SPTBN5: variants seen among roughly 807,000 people sequenced by gnomAD.
SPTBN5 encodes spectrin beta chain, non-erythrocytic 5.
SPTBN5 carries 513 observed loss-of-function variants against 477.6 expected under a neutral mutation model. That is an observed-to-expected ratio of 1.07 (90% CI 1.00 to 1.16). The LOEUF is 1.16. Ranked by LOEUF, SPTBN5 falls within the 50% of genes most tolerant of loss-of-function variation. The pLI is 0.00. For synonymous variants in SPTBN5, 2,169 were observed against 2,011.7 expected (o/e 1.08, Z -2.09); for missense variants, 5,062 against 4,731.8 (o/e 1.07, Z -2.05).
At chr15:41,871,594 C>T in intron 28 of SPTBN5, 74 bp from the exon 29 acceptor site, 2 of 1,414,464 alleles carry the variant, frequency 1.4e-6, no homozygotes, top group Admixed American at 3.0e-5. Flanking sequence ...ATCGAGGCAC[C>T]TCAGTGCCCA....
rs757000954 is a variant in SPTBN5, at chr15:41,858,630, C to G, written c.8198G>C (p.Ser2733Thr). The change falls in exon 49 of 68, where the codon AGC becomes ACC. Residue 2733 changes from serine to threonine, a missense_variant. Physicochemically the swap from Ser to Thr is moderately conservative, Grantham distance 58 (BLOSUM62 1). Transcript: ENST00000320955. ...CTGCAGCTCCTGCTGTTGGTGCATG[C>G]TCGCGTCCAGCTCCGCCTGGAAATT... ...QQNFQAELDASMHQQQELQRE... is the reference protein window; with the variant it reads ...QQNFQAELDATMHQQQELQRE... The G allele has an allele frequency of 9.9e-6, 16 of 1,611,392 alleles. No individual in the cohort carries two copies. In the South Asian group the frequency reaches 1.7e-4, roughly 17 times the overall value.
chr15:41,857,280 A>AG lies in SPTBN5; in HGVS notation c.8578dup (p.Leu2860ProfsTer82), dbSNP rs2065952828. Reference sequence around the variant, plus strand: ...GGCCTGCTCTTCCACATCTTGGGCAAGGCAGTGGCCTTCCCTCACAAAGGC... The same window carrying AG: ...GGCCTGCTCTTCCACATCTTGGGCAAGGGCAGTGGCCTTCCCTCACAAAGGC... On this transcript the variant is annotated frameshift_variant, in exon 51 of 68. Transcript: ENST00000320955. LOFTEE classifies it high-confidence loss of function. The AG allele has an allele frequency of 1.9e-6, 3 of 1,574,778 alleles. No homozygotes were observed. Among genetic ancestry groups the AG allele is most frequent in the African/African-American group, 2.7e-5 (2 of 74,312 alleles).
Position 41,853,361 on chromosome 15 carries a change from T to C in SPTBN5, c.10067A>G (p.His3356Arg). 1 of 1,612,612 alleles carries C rather than the reference T, an allele frequency of 6.2e-7. No individual in the cohort carries two copies. Among genetic ancestry groups the C allele is most frequent in the East Asian group, 2.2e-5 (1 of 44,860 alleles). The change falls in exon 59 of 68, where the codon CAT (histidine) becomes CGT (arginine). Residue 3356 changes from histidine to arginine, a missense_variant. His to Arg is a conservative substitution (Grantham distance 29). Coordinates refer to ENST00000320955, the MANE Select transcript of SPTBN5 (RefSeq NM_016642.4). ...VAGAEQLLGQ[H>R]EELGQEIREC... The stretch of plus-strand genomic sequence containing the variant: ...CCTGATTTCTTGCCCCAGCTCTTCA[T>C]GCTGCCCAAGGAGCTGCTCAGCCCC...
rs2067262752 is a variant in SPTBN5 at position 41,890,082 on chromosome 15, G to A, written c.501+7C>T. Reference sequence around the variant, plus strand: ...CCAGGTGCTGGGTACTGGGGACTGAGCCATACCTTGTCCAAGGAGATGTGG... The same window carrying A: ...CCAGGTGCTGGGTACTGGGGACTGAACCATACCTTGTCCAAGGAGATGTGG... On this transcript the variant is annotated splice_region_variant and intron_variant, in intron 4 of 67. Transcript: ENST00000320955. The A allele has an allele frequency of 2.5e-6, 4 of 1,595,092 alleles. No individual in the cohort carries two copies. The highest frequency in any genetic ancestry group is 3.4e-6 in the Non-Finnish European group (4 of 1,166,250).
Position 41,856,415 on chromosome 15 carries a change from C to A in SPTBN5, c.8992G>T (p.Ala2998Ser). The A allele has an allele frequency of 6.3e-7, 1 of 1,587,778 alleles. No homozygotes were observed. The highest frequency in any genetic ancestry group is 8.6e-7 in the Non-Finnish European group (1 of 1,165,344). The change falls in exon 53 of 68, where the codon GCT (alanine) becomes TCT (serine). Residue 2998 changes from alanine to serine, a missense_variant. Ala to Ser is a moderately conservative substitution (Grantham distance 99). Transcript: ENST00000320955. ...GTCAGAAACTGCTGGGCCTCCTGAGCCTGCTGCAGCAGAAGCCGCCTCCGC... is the reference window on the plus strand; with the variant it reads ...GTCAGAAACTGCTGGGCCTCCTGAGACTGCTGCAGCAGAAGCCGCCTCCGC... Reference protein sequence around the residue: ...AARRRLLLQQAQEAQQFLTEL... With the variant: ...AARRRLLLQQSQEAQQFLTEL...
chr15:41,858,653 A>G lies in SPTBN5; in HGVS notation c.8175T>C (p.Asn2725=), dbSNP rs1403379719. Reference sequence around the variant, plus strand: ...TGCTCGCGTCCAGCTCCGCCTGGAAATTCTGCTGCTTCTGTAACTGTGCTG... The same window carrying G: ...TGCTCGCGTCCAGCTCCGCCTGGAAGTTCTGCTGCTTCTGTAACTGTGCTG... The part of the protein sequence containing the change: ...MLPAQLQKQQ[N]FQAELDASMH... The change falls in exon 49 of 68, where the codon AAT becomes AAC. Residue 2725 remains asparagine, a synonymous_variant. Coordinates refer to ENST00000320955, the MANE Select transcript of SPTBN5 (RefSeq NM_016642.4). The G allele has an allele frequency of 6.2e-7, 1 of 1,611,570 alleles. No individual in the cohort carries two copies. Among genetic ancestry groups the G allele is most frequent in the Admixed American group, 1.7e-5 (1 of 59,800 alleles).
intron 47 of SPTBN5, among the ~76,000 whole-genome samples, chr15:41,859,497 A>G (rs977395146): frequency 1.3e-5 from 2 of 152,160 alleles, no homozygotes; most frequent in Non-Finnish European, 1.5e-5. Flanking sequence ...CTAACTCCAG[A>G]AGTGTTTTTG....
At position 41,893,926 on chromosome 15, in the gene SPTBN5, C is replaced by A; in HGVS notation, c.-77G>T. 1 of 222,570 alleles carries A rather than the reference C, an allele frequency of 4.5e-6. No homozygotes were observed. The highest frequency in any genetic ancestry group is 9.0e-6 in the Non-Finnish European group (1 of 110,588). The allele number at this position is 222,570 out of a possible 1,614,324, so 13.8% of individuals were successfully genotyped here. ...TGGTGATGCCTGGGTTCCACAGAGGCGGCCCAGCTGGACGGATGGAGATGG... is the reference window on the plus strand; with the variant it reads ...TGGTGATGCCTGGGTTCCACAGAGGAGGCCCAGCTGGACGGATGGAGATGG... On this transcript the variant is annotated 5_prime_UTR_variant, in exon 1 of 68. Coordinates refer to ENST00000320955, the MANE Select transcript of SPTBN5 (RefSeq NM_016642.4).
intron 17 of SPTBN5, 75 bp from the exon 18 acceptor site, chr15:41,877,431 G>T: frequency 6.6e-7 from 1 of 1,526,228 alleles, no homozygotes; most frequent in Non-Finnish European, 8.8e-7. Context: ...TCACCTCCAG[G>T]GTTCACGCAT....
intron 21 of SPTBN5, 36 bp downstream of exon 21, chr15:41,876,078 A>G (rs377236037): frequency 1.3e-6 from 2 of 1,573,464 alleles, no homozygotes; most frequent in African/African-American, 1.3e-5. Context: ...ATTTGAAGAC[A>G]AGGAGGCTCT....
Position 41,850,846 on chromosome 15 carries a change from A to G in SPTBN5, c.10921+8T>C, listed in dbSNP as rs1272839805. The G allele has an allele frequency of 2.5e-6, 4 of 1,588,782 alleles. No homozygotes were observed. Among genetic ancestry groups the G allele is most frequent in the Non-Finnish European group, 3.4e-6 (4 of 1,168,666 alleles). On this transcript the variant is annotated splice_region_variant and intron_variant, in intron 66 of 67. Coordinates refer to ENST00000320955, the MANE Select transcript of SPTBN5 (RefSeq NM_016642.4). ...CCGCCCTCCCCGCATCCTTCCCCTG[A>G]AGCCCACCTGCAGTGCTGCCCAGGG...
rs570466675 is a variant in SPTBN5 at position 41,873,293 on chromosome 15, G to A, written c.5007+199C>T. On this transcript the variant is annotated intron_variant, in intron 26 of 67. Transcript: ENST00000320955. ...ACTCGTAAGAAGATGAAGGGAGAAAGCGTGTACATCACAGTGCCCAGGTTG... is the reference window on the plus strand; with the variant it reads ...ACTCGTAAGAAGATGAAGGGAGAAAACGTGTACATCACAGTGCCCAGGTTG... Among the ~76,000 whole-genome samples, 81 of 152,290 alleles carry A rather than the reference G, an allele frequency of 5.3e-4. 2 individuals carry two copies. The South Asian group carries it at 0.016, about 30-fold the overall frequency.
chr15:41,880,049 T>C lies in SPTBN5; in HGVS notation c.2811+111A>G, dbSNP rs915610568. On this transcript the variant is annotated intron_variant, in intron 14 of 67. Coordinates refer to ENST00000320955, the MANE Select transcript of SPTBN5 (RefSeq NM_016642.4). ...CTCGAAATTCAGGCCAGCTCTCTGC[T>C]CCCCTCCCCCAGGCAGGACGGTAGT... is the stretch of plus-strand genomic sequence containing the variant. The C allele has an allele frequency of 2.8e-5, 40 of 1,435,864 alleles. 1 individual carries two copies. In the South Asian group the frequency reaches 5.8e-4, roughly 21 times the overall value. The allele number at this position is 1,435,864 out of a possible 1,614,324, so 88.9% of individuals were successfully genotyped here.
Position 41,868,474 on chromosome 15 carries a change from G to A in SPTBN5, c.5981C>T (p.Ala1994Val). Reference protein sequence around the residue: ...AHQWLRAELEAREKLWQQATQ... With the variant: ...AHQWLRAELEVREKLWQQATQ... ...GGCCTGCTGCCACAGCTTCTCCCGG[G>A]CCTCCAGCTCCGCCCGGAGCCACTG... The change falls in exon 33 of 68, where the codon GCC (alanine) becomes GTC (valine). Residue 1994 changes from alanine to valine, a missense_variant. Coordinates refer to ENST00000320955, the MANE Select transcript of SPTBN5 (RefSeq NM_016642.4). The A allele has an allele frequency of 1.2e-6, 2 of 1,611,216 alleles. No homozygotes were observed. The highest frequency in any genetic ancestry group is 1.7e-6 in the Non-Finnish European group (2 of 1,179,154).
Position 41,853,291 on chromosome 15 carries a change from C to G in SPTBN5, c.10137G>C (p.Gln3379His). The G allele has an allele frequency of 6.2e-7, 1 of 1,611,106 alleles. No individual in the cohort carries two copies. The highest frequency in any genetic ancestry group is 1.3e-5 in the African/African-American group (1 of 75,034). The change falls in exon 59 of 68, where the codon CAG becomes CAC. Residue 3379 changes from glutamine (Q) to histidine (H), a missense_variant. By Grantham distance (24) the Gln-to-His change is conservative. Transcript: ENST00000320955. ...ACATGAAGTGGCTGTTGTCCACCAGCTGCTGTCCTTCCTGCCGCAGGTCCT... is the reference window on the plus strand; with the variant it reads ...ACATGAAGTGGCTGTTGTCCACCAGGTGCTGTCCTTCCTGCCGCAGGTCCT... ...QAQDLRQEGQ[Q>H]LVDNSHFMSA...
chr15:41,892,650 T>C, intron 3 of SPTBN5: 1 of 463,336 alleles, frequency 2.2e-6, no homozygotes, highest in Admixed American at 3.9e-5. Context: ...GACAGTGACA[T>C]TTTCCACCCC....
rs760469863 is a variant in SPTBN5 at position 41,882,028 on chromosome 15, G to A, written c.2365C>T (p.Arg789Trp). The change falls in exon 12 of 68, where the codon CGG becomes TGG. Residue 789 changes from arginine to tryptophan, a missense_variant. Transcript: ENST00000320955. ...AAETLLRRHVRLERVLRAFAA... is the reference protein window; with the variant it reads ...AAETLLRRHVWLERVLRAFAA... ...AAGGCGCGCAGGACGCGCTCCAGCCGCACGTGGCGCCTCAGCAGGGTCTCG... is the reference window on the plus strand; with the variant it reads ...AAGGCGCGCAGGACGCGCTCCAGCCACACGTGGCGCCTCAGCAGGGTCTCG... 5.2e-6 allele frequency: 8 copies of A among 1,545,390 alleles called. No individual in the cohort carries two copies. The highest frequency in any genetic ancestry group is 2.5e-5 in the East Asian group (1 of 40,642).
chr15:41,855,488 C>T (rs1386387624), intron 54 of SPTBN5, 60 bp from the exon 55 acceptor site: 3 of 1,594,180 alleles, frequency 1.9e-6, no homozygotes, highest in African/African-American at 1.3e-5. Context: ...GGAGCAGTCT[C>T]CTGCCATCTC....
chr15:41,863,489 C>T (rs1241166100), intron 41 of SPTBN5, among the ~76,000 whole-genome samples: 2 of 152,194 alleles, frequency 1.3e-5, no homozygotes, highest in African/African-American at 4.8e-5. Flanking sequence ...GAATCCCCCA[C>T]TGAGCTCGCA....
Sources: allele counts gnomAD v4.1 joint callset (sites outside exome capture counted in the v4.1 genomes callset), GRCh38; gene constraint gnomAD v4.1.1; transcripts MANE v1.5; gene names NCBI Gene and HGNC (gene_info 2026-07-23, HGNC 2026-07-21).